SLC9A9: variants seen among roughly 807,000 people sequenced by gnomAD.
SLC9A9 encodes solute carrier family 9 member A9.
SLC9A9 carries 62 observed loss-of-function variants against 77.8 expected under a neutral mutation model. The ratio of observed to expected loss-of-function variants is 0.80; its 90% CI spans 0.65 to 0.98. The LOEUF (loss-of-function observed/expected upper bound fraction) is 0.98. SLC9A9 is among the 50% of genes least tolerant of loss of function. The pLI, the probability that SLC9A9 is intolerant of heterozygous loss-of-function variation, is 0.00. For synonymous variants in SLC9A9, 320 were observed against 283.5 expected, an observed-to-expected ratio of 1.13 and a Z score of -1.29; for missense variants, 775 against 774.9, an observed-to-expected ratio of 1.00 and a Z score of 0.00.
At chr3:143,569,741 T>A (rs2037227438) in intron 8 of SLC9A9, among the ~76,000 whole-genome samples, 1 of 151,762 alleles carries the variant, frequency 6.6e-6, no homozygotes, top group Non-Finnish European at 1.5e-5. Flanking sequence ...AGTTAAAAGG[T>A]ACAAGCACAA....
chr3:143,764,691 G>A (rs1354724841), intron 4 of SLC9A9, among the ~76,000 whole-genome samples: 1 of 151,998 alleles, frequency 6.6e-6, no homozygotes, highest in African/African-American at 2.4e-5. Flanking sequence ...CCAAATAACT[G>A]GGACTACATC....
chr3:143,316,243 A>C (rs1174364114), intron 14 of SLC9A9, among the ~76,000 whole-genome samples: 1 of 152,164 alleles, frequency 6.6e-6, no homozygotes, highest in Non-Finnish European at 1.5e-5. Context: ...GATTTCTTTC[A>C]TTTTTGTCAT....
rs190413486 is a variant in SLC9A9 at position 143,793,976 on chromosome 3, C to T, written c.533+1025G>A. Among the ~76,000 whole-genome samples the T allele has an allele frequency of 2.3e-3, 351 of 152,304 alleles. 1 individual carries two copies. The highest frequency in any genetic ancestry group is 7.9e-3 in the African/African-American group (330 of 41,554). On this transcript the variant is annotated intron_variant, in intron 4 of 15. Transcript: ENST00000316549. ...GCTTGCAAACCTCCCTTTTCAGGTG[C>T]TAAAATCTTTAATTTTCTCACTGCC...
At chr3:143,453,011 T>C (rs561060933) in intron 12 of SLC9A9, among the ~76,000 whole-genome samples, 13 of 152,128 alleles carry the variant, frequency 8.5e-5, no homozygotes, top group South Asian at 2.1e-4. Flanking sequence ...ATATGCATAT[T>C]ATGTATATAT....
intron 6 of SLC9A9, among the ~76,000 whole-genome samples, chr3:143,629,573 G>A (rs1166372898): frequency 4.4e-5 from 6 of 137,762 alleles, no homozygotes; most frequent in South Asian, 5.1e-4. Flanking sequence ...GTGTGTGTGC[G>A]TGTGTGTGTG....
At chr3:143,301,005 CTCAGAAATAGGCCCA>C (rs2030494416) in intron 14 of SLC9A9, among the ~76,000 whole-genome samples, 1 of 152,178 alleles carries the variant, frequency 6.6e-6, no homozygotes, top group African/African-American at 2.4e-5. Context: ...GGTCCAGTAG[CTCAGAAATAGGCCCA>C]GGAGAAACAG....
chr3:143,574,618 G>A (rs1288785007), intron 7 of SLC9A9, among the ~76,000 whole-genome samples: 1 of 152,184 alleles, frequency 6.6e-6, no homozygotes, highest in Non-Finnish European at 1.5e-5. Context: ...TCTGTGGGCA[G>A]ACGACCTGGT....
intron 9 of SLC9A9, among the ~76,000 whole-genome samples, chr3:143,501,788 C>T (rs1349299351): frequency 6.6e-6 from 1 of 150,714 alleles, no homozygotes; most frequent in Admixed American, 6.6e-5. Context: ...TAATTTCCTT[C>T]TTGGGGCATT....
chr3:143,743,993 C>T (rs1244338085), intron 4 of SLC9A9, among the ~76,000 whole-genome samples: 1 of 152,092 alleles, frequency 6.6e-6, no homozygotes, highest in Non-Finnish European at 1.5e-5. Flanking sequence ...AGCAAATGAC[C>T]AAACTTCTGC....
At chr3:143,278,612 C>G (rs1938122800) in intron 14 of SLC9A9, among the ~76,000 whole-genome samples, 1 of 152,240 alleles carries the variant, frequency 6.6e-6, no homozygotes, top group Non-Finnish European at 1.5e-5. Flanking sequence ...TCTGTCTTCA[C>G]AGGGTGTTCT....
chr3:143,268,519 G>A (rs556185561), intron 15 of SLC9A9, among the ~76,000 whole-genome samples: 103 of 152,074 alleles, frequency 6.8e-4, no homozygotes, highest in Non-Finnish European at 1.1e-3. Context: ...GGATCACGAG[G>A]TCAGGAGATT....
chr3:143,586,978 G>A (rs1385407926), intron 6 of SLC9A9, among the ~76,000 whole-genome samples: 2 of 152,222 alleles, frequency 1.3e-5, no homozygotes, highest in East Asian at 3.8e-4. Context: ...TTCTGCTTCT[G>A]AGGGACCATT....
chr3:143,281,214 A>C (rs1000355919), intron 14 of SLC9A9, among the ~76,000 whole-genome samples: 3 of 152,216 alleles, frequency 2.0e-5, no homozygotes, highest in Non-Finnish European at 4.4e-5. Context: ...AGCTGTTTGC[A>C]TCACTAAGTT....
intron 13 of SLC9A9, among the ~76,000 whole-genome samples, chr3:143,374,854 A>G (rs2033145537): frequency 6.6e-6 from 1 of 152,148 alleles, no homozygotes; most frequent in Admixed American, 6.5e-5. Flanking sequence ...TTATTTTGCT[A>G]TCAAATAGTA....
At chr3:143,711,477 G>T (rs1370656228) in intron 4 of SLC9A9, among the ~76,000 whole-genome samples, 1 of 151,884 alleles carries the variant, frequency 6.6e-6, no homozygotes, top group Admixed American at 6.6e-5. Context: ...GGTGGTGCTC[G>T]CAGCCTCCTT....
At chr3:143,522,144 C>A (rs900228769) in intron 9 of SLC9A9, among the ~76,000 whole-genome samples, 1 of 152,110 alleles carries the variant, frequency 6.6e-6, no homozygotes, top group African/African-American at 2.4e-5. Flanking sequence ...AACCACAAAC[C>A]TCATAGTCAA....
At chr3:143,836,669 G>C (rs751435486) in intron 1 of SLC9A9, among the ~76,000 whole-genome samples, 7 of 152,232 alleles carry the variant, frequency 4.6e-5, no homozygotes, top group Non-Finnish European at 1.0e-4. Flanking sequence ...AGGAACATTA[G>C]AAAGATGAGC....
chr3:143,317,111 A>G (rs1214569096), intron 14 of SLC9A9, among the ~76,000 whole-genome samples: 5 of 152,184 alleles, frequency 3.3e-5, no homozygotes, highest in Non-Finnish European at 5.9e-5. Flanking sequence ...GACCTCCTCC[A>G]AGAGAAAAAC....
rs2008401171 is a variant in SLC9A9 at position 143,796,915 on chromosome 3, GA to G, written c.379-13del. The G allele has an allele frequency of 2.5e-6, 4 of 1,600,340 alleles. No individual in the cohort carries two copies. The highest frequency in any genetic ancestry group is 3.4e-6 in the Non-Finnish European group (4 of 1,169,910). Reference sequence around the variant, plus strand: ...GGATCAAATGTCATCTGCCAGAAAGGAAAAAAAGGATAGTTAGAATGATGCT... The same window carrying G: ...GGATCAAATGTCATCTGCCAGAAAGGAAAAAAGGATAGTTAGAATGATGCT... On this transcript the variant is annotated splice_polypyrimidine_tract_variant and intron_variant, in intron 2 of 15. Transcript: ENST00000316549.
Sources: allele counts gnomAD v4.1 joint callset (sites outside exome capture counted in the v4.1 genomes callset), GRCh38; gene constraint gnomAD v4.1.1; transcripts MANE v1.5; gene names NCBI Gene and HGNC (gene_info 2026-07-23, HGNC 2026-07-21).